FGD4: variants seen among roughly 807,000 people sequenced by gnomAD.
The protein encoded by FGD4 is FYVE, RhoGEF and PH domain-containing protein 4.
In FGD4, 42 loss-of-function variants were observed where a neutral mutation model predicts 102.0. That is an observed-to-expected ratio of 0.41 (90% confidence interval 0.32 to 0.53). The LOEUF (loss-of-function observed/expected upper bound fraction) is 0.53. Among genes scored for constraint, FGD4 ranks in the 20% least tolerant of loss-of-function variants. The probability of loss-of-function intolerance (pLI) is 0.21; values close to 1 mark genes in which losing one functional copy is unlikely to be tolerated. For missense variants in FGD4, 902 were observed against 1,078.2 expected (o/e 0.84, Z 2.29); for synonymous variants, 380 against 375.7 (o/e 1.01, Z -0.13).
chr12:32,533,657 T>C (rs61928289), intron 1 of FGD4, among the ~76,000 whole-genome samples: 68 of 152,214 alleles, frequency 4.5e-4, no homozygotes, highest in Non-Finnish European at 7.8e-4. Context: ...ACTCCTGACC[T>C]CAGGTGATCC....
At position 32,597,987 on chromosome 12, in the gene FGD4, A is replaced by T. The variant is rs112836203; in HGVS notation, c.1012-510A>T. ...AACCTCCTCCCATCTCTGCCTCCCA[A>T]GTAGCTGGGACTACAGATGTGCGTC... On this transcript the variant is annotated intron_variant, in intron 4 of 16. Coordinates refer to ENST00000534526, the MANE Select transcript of FGD4 (RefSeq NM_001370298.3). Among the ~76,000 whole-genome samples, 236 of 152,324 alleles carry T rather than the reference A, an allele frequency of 1.5e-3. 2 individuals are homozygous for T. The highest frequency in any genetic ancestry group is 5.5e-3 in the African/African-American group (227 of 41,598).
intron 4 of FGD4, among the ~76,000 whole-genome samples, chr12:32,589,300 C>G (rs576202735): frequency 2.1e-4 from 32 of 152,228 alleles, no homozygotes; most frequent in Admixed American, 3.3e-4. Context: ...ACCAGCACCT[C>G]TCTTTCGGTT....
chr12:32,486,266 GATA>G (rs1943896726), intron 1 of FGD4: 6 of 973,582 alleles, frequency 6.2e-6, no homozygotes, highest in Non-Finnish European at 8.6e-6. Flanking sequence ...ACTGTTAAGT[GATA>G]ATAATTTGTA....
intron 4 of FGD4, among the ~76,000 whole-genome samples, chr12:32,589,371 T>TG (rs1947294168): frequency 1.3e-5 from 2 of 152,216 alleles, no homozygotes; most frequent in South Asian, 4.1e-4. Flanking sequence ...TTAGGGTTCC[T>TG]GTATTTTGTT....
intron 10 of FGD4, among the ~76,000 whole-genome samples, chr12:32,613,068 G>A (rs900103039): frequency 6.6e-6 from 1 of 152,110 alleles, no homozygotes; most frequent in Non-Finnish European, 1.5e-5. Context: ...CTTAATAAAC[G>A]TTAGCTTTCA....
chr12:32,430,315 A>G (rs1298255697), intron 1 of FGD4, among the ~76,000 whole-genome samples: 1 of 147,734 alleles, frequency 6.8e-6, no homozygotes, highest in Non-Finnish European at 1.5e-5. Context: ...CTCAAAAAAG[A>G]AAAAAAAAAG....
intron 1 of FGD4, chr12:32,534,287 C>T: frequency 7.5e-7 from 1 of 1,325,220 alleles, no homozygotes; most frequent in Non-Finnish European, 9.7e-7. Flanking sequence ...ATAAGGTCGT[C>T]CTTGGGCAGT....
intron 1 of FGD4, among the ~76,000 whole-genome samples, chr12:32,534,896 G>A (rs916576803): frequency 3.9e-5 from 6 of 152,180 alleles, no homozygotes; most frequent in African/African-American, 1.2e-4. Context: ...GCTACTGCAC[G>A]GAGCATTGTT....
intron 1 of FGD4, among the ~76,000 whole-genome samples, chr12:32,534,720 G>A (rs1942094490): frequency 6.6e-6 from 1 of 152,208 alleles, no homozygotes; most frequent in Non-Finnish European, 1.5e-5. Context: ...AAATGAGTTT[G>A]ATAGTTAAGT....
At chr12:32,598,219 G>T (rs1948066872) in intron 4 of FGD4, among the ~76,000 whole-genome samples, 1 of 152,178 alleles carries the variant, frequency 6.6e-6, no homozygotes, top group Non-Finnish European at 1.5e-5. Context: ...GAAAGATAAT[G>T]CTAGGAACTG....
intron 1 of FGD4, among the ~76,000 whole-genome samples, chr12:32,526,678 C>T (rs889224511): frequency 1.9e-4 from 29 of 152,160 alleles, no homozygotes; most frequent in Admixed American, 2.6e-4. Context: ...TCGCTATTTG[C>T]GATAAATCTT....
chr12:32,457,811 A>G (rs1176541031), intron 1 of FGD4, among the ~76,000 whole-genome samples: 1 of 152,204 alleles, frequency 6.6e-6, no homozygotes, highest in African/African-American at 2.4e-5. Flanking sequence ...TGGAAACCAG[A>G]AACAGAGTCC....
chr12:32,518,436 C>T (rs1287708007), intron 1 of FGD4, among the ~76,000 whole-genome samples: 1 of 152,138 alleles, frequency 6.6e-6, no homozygotes, highest in African/African-American at 2.4e-5. Flanking sequence ...CAACATAGCG[C>T]CATTTCACTC....
At chr12:32,534,507 TTTCA>T in intron 1 of FGD4, 1 of 1,460,718 alleles carries the variant, frequency 6.8e-7, no homozygotes, top group Non-Finnish European at 9.1e-7. Context: ...AGGTAAGTGG[TTTCA>T]TTTTCTAGTA....
At chr12:32,420,206 G>A (rs781514130) in intron 1 of FGD4, among the ~76,000 whole-genome samples, 12 of 152,222 alleles carry the variant, frequency 7.9e-5, no homozygotes, top group African/African-American at 1.7e-4. Flanking sequence ...CCAAAGTGCC[G>A]TATTTTGGGG....
chr12:32,528,411 C>T (rs531591501), intron 1 of FGD4, among the ~76,000 whole-genome samples: 12 of 151,666 alleles, frequency 7.9e-5, no homozygotes, highest in African/African-American at 2.4e-4. Context: ...TTTTTTGAGA[C>T]GGAGCCTCGC....
intron 3 of FGD4, among the ~76,000 whole-genome samples, chr12:32,581,065 A>G (rs1268881913): frequency 3.3e-5 from 5 of 152,190 alleles, no homozygotes. Flanking sequence ...AGATGAATCT[A>G]GGAAAGCCTC....
At chr12:32,577,157 A>C (rs1428497281) in intron 3 of FGD4, among the ~76,000 whole-genome samples, 1 of 150,798 alleles carries the variant, frequency 6.6e-6, no homozygotes, top group Non-Finnish European at 1.5e-5. Flanking sequence ...TTTTCTCCTT[A>C]TAAAACTCTC....
chr12:32,497,053 T>G (rs1215577260), intron 1 of FGD4, among the ~76,000 whole-genome samples: 1 of 152,200 alleles, frequency 6.6e-6, no homozygotes, highest in Non-Finnish European at 1.5e-5. Context: ...TGGACTTGAA[T>G]AGAAAAGGGC....
Sources: allele counts gnomAD v4.1 joint callset (sites outside exome capture counted in the v4.1 genomes callset), GRCh38; gene constraint gnomAD v4.1.1; transcripts MANE v1.5; gene names NCBI Gene and HGNC (gene_info 2026-07-23, HGNC 2026-07-21).